The following TBL2 variants were observed in gnomAD, a reference collection of about 807,000 sequenced individuals.
The protein encoded by TBL2 is transducin beta like 2, also known as transducin beta-like protein 2.
Under a neutral mutation model 41.8 loss-of-function variants are expected in TBL2, and 33 were observed. That is an observed-to-expected ratio of 0.79 (90% confidence interval 0.60 to 1.06). The LOEUF (loss-of-function observed/expected upper bound fraction) is 1.06. Ranked by LOEUF, TBL2 falls within the 50% of genes least tolerant of loss-of-function variation. TBL2 has a pLI of 0.00. For missense variants in TBL2, 522 were observed against 603.8 expected (o/e 0.86, Z 1.42); for synonymous variants, 239 against 241.7 (o/e 0.99, Z 0.10).
intron 2 of TBL2, 33 bp from the exon 3 acceptor site, chr7:73,574,155 A>G (rs1554588382): frequency 6.2e-7 from 1 of 1,608,770 alleles, no homozygotes; most frequent in Admixed American, 1.7e-5. Context: ...TGTCAATAGG[A>G]GCTCCTGGGG....
chr7:73,571,520 G>C (rs1792952275), intron 5 of TBL2, 179 bp from the exon 6 acceptor site: 1 of 731,556 alleles, frequency 1.4e-6, no homozygotes, highest in African/African-American at 1.8e-5. Context: ...ACTTTGGGAG[G>C]CCGAGGTGGG....
chr7:73,575,202 T>G (rs1458732219), intron 1 of TBL2, among the ~76,000 whole-genome samples: 1 of 152,004 alleles, frequency 6.6e-6, no homozygotes, highest in Non-Finnish European at 1.5e-5. Flanking sequence ...CTCCGCTCAC[T>G]GTAGCCTCTG....
At position 73,570,966 on chromosome 7, in the gene TBL2, A is replaced by T; in HGVS notation, c.885T>A (p.Ala295=). Residue 295 remains alanine (A), a synonymous_variant, in exon 7 of 7, where the codon GCT becomes GCA. Coordinates refer to ENST00000305632, the MANE Select transcript of TBL2 (RefSeq NM_012453.4). ...TCCATGTACCATCCTTGGAGACAGA[A>T]GCCATCCTGCAACACAGAAAATCAC... ...FAFSNDSRRM[A]SVSKDGTWKL... is the part of the protein sequence containing the mutation. The T allele has an allele frequency of 6.3e-7, 1 of 1,598,560 alleles. No individual in the cohort carries two copies. The highest frequency in any genetic ancestry group is 8.5e-7 in the Non-Finnish European group (1 of 1,171,050).
intron 2 of TBL2, 79 bp from the exon 3 acceptor site, chr7:73,574,201 G>C (rs1793150099): frequency 6.4e-7 from 1 of 1,567,092 alleles, no homozygotes; most frequent in South Asian, 1.2e-5. Flanking sequence ...CGGGGAGATG[G>C]GGCCCTGTGG....
rs1321996917 is a variant in TBL2, at chr7:73,567,677, A to G, written c.*2830T>C. Reference sequence around the variant, plus strand: ...GAAAAACCTTGGTGGCCTCTGCTCTATGTTAATATCCAGACACCTTCTCTG... The same window carrying G: ...GAAAAACCTTGGTGGCCTCTGCTCTGTGTTAATATCCAGACACCTTCTCTG... On this transcript the variant is annotated 3_prime_UTR_variant, in exon 7 of 7. Transcript: ENST00000305632. 2.6e-5 allele frequency among the ~76,000 whole-genome samples: 4 copies of G among 152,092 alleles called. No homozygotes were observed. The highest frequency in any genetic ancestry group is 7.2e-5 in the African/African-American group (3 of 41,410).
In TBL2 at chr7:73,570,295, A is replaced by T; in HGVS notation, c.*212T>A. The T allele has an allele frequency of 1.3e-6, 1 of 792,502 alleles. No homozygotes were observed. The highest frequency in any genetic ancestry group is 1.8e-6 in the Non-Finnish European group (1 of 547,114). 49.1% of individuals were successfully genotyped at this position (792,502 alleles called of 1,614,324 possible). ...CACTGGGCCTGGGAGGAAGAAAAGC[A>T]CCTTGGCCACTAGTCAGGGAGGAGT... On this transcript the variant is annotated 3_prime_UTR_variant, in exon 7 of 7. Coordinates refer to ENST00000305632, the MANE Select transcript of TBL2 (RefSeq NM_012453.4).
At chr7:73,574,798 C>G in intron 1 of TBL2, 1 of 514,246 alleles carries the variant, frequency 1.9e-6, no homozygotes, top group Non-Finnish European at 3.6e-6. Flanking sequence ...AGTGACAGAG[C>G]AAGACCCTGT....
At chr7:73,578,393 G>T in intron 1 of TBL2, 27 bp downstream of exon 1, 1 of 1,522,094 alleles carries the variant, frequency 6.6e-7, no homozygotes. Flanking sequence ...ACCGCGGGCC[G>T]CCCCCACCCG....
rs1055376713 is a variant in TBL2 at position 73,576,685 on chromosome 7, A to T, written c.130+1735T>A. 3 of 456,502 alleles carry T rather than the reference A, an allele frequency of 6.6e-6. No individual in the cohort carries two copies. The Admixed American group carries it at 7.1e-5, about 11-fold the overall frequency. 28.3% of individuals were successfully genotyped at this position (456,502 alleles called of 1,614,324 possible). On this transcript the variant is annotated intron_variant, in intron 1 of 6. Transcript: ENST00000305632. Reference sequence around the variant, plus strand: ...GCAGATGCTCCCCAATTCCAACAGGAAAAAAGCTCCTGGGCCCTGCAAACA... The same window carrying T: ...GCAGATGCTCCCCAATTCCAACAGGTAAAAAGCTCCTGGGCCCTGCAAACA...
At chr7:73,574,864 T>G (rs1234888609) in intron 1 of TBL2, 3 of 381,650 alleles carry the variant, frequency 7.9e-6, no homozygotes, top group Non-Finnish European at 1.5e-5. Flanking sequence ...GAATCAGACC[T>G]GGGTTTGGAT....
At chr7:73,575,447 T>G (rs1554588755) in intron 1 of TBL2, among the ~76,000 whole-genome samples, 1 of 152,054 alleles carries the variant, frequency 6.6e-6, no homozygotes. Flanking sequence ...CCCGCCACCA[T>G]GCCCGGCTAA....
chr7:73,571,232 A>G lies in TBL2; in HGVS notation c.835T>C (p.Ser279Pro). The change falls in exon 6 of 7, where the codon TCC (serine) becomes CCC (proline). Residue 279 changes from serine (S) to proline (P), a missense_variant. Physicochemically the swap from Ser to Pro is moderately conservative, Grantham distance 74 (BLOSUM62 -1). Coordinates refer to ENST00000305632, the MANE Select transcript of TBL2 (RefSeq NM_012453.4). ...AAAGCAAACGAGTGCACAGCCGCGG[A>G]GTGGCCCTTTAGTTCGAAGGCTCGC... Reference protein sequence around the residue: ...VVRAFELKGHSAAVHSFAFSN... With the variant: ...VVRAFELKGHPAAVHSFAFSN... The G allele has an allele frequency of 6.2e-7, 1 of 1,614,236 alleles. No homozygotes were observed. Among genetic ancestry groups the G allele is most frequent in the Non-Finnish European group, 8.5e-7 (1 of 1,180,048 alleles).
intron 3 of TBL2, 58 bp from the exon 4 acceptor site, chr7:73,573,529 A>C: frequency 6.2e-7 from 1 of 1,607,094 alleles, no homozygotes; most frequent in Non-Finnish European, 8.5e-7. Flanking sequence ...TCTGTGTTCC[A>C]GGTCCTGTGC....
At chr7:73,573,811 C>T in intron 3 of TBL2, 127 bp downstream of exon 3, 3 of 1,210,822 alleles carry the variant, frequency 2.5e-6, no homozygotes, top group Non-Finnish European at 3.4e-6. Flanking sequence ...TATGTGGATG[C>T]TCTTTCTGGC....
chr7:73,568,941 C>T lies in TBL2; in HGVS notation c.*1566G>A, dbSNP rs1181843457. 1 of 152,234 alleles carries T rather than the reference C, an allele frequency of 6.6e-6. No homozygotes were observed. The highest frequency in any genetic ancestry group is 1.9e-4 in the East Asian group (1 of 5,190). 9.4% of individuals were successfully genotyped at this position (152,234 alleles called of 1,614,324 possible). ...TGTCAGAAAAAAAAAATTGTTTTTACTATTTTTGGTTTAGAAAAATTCTTT... is the reference window on the plus strand; with the variant it reads ...TGTCAGAAAAAAAAAATTGTTTTTATTATTTTTGGTTTAGAAAAATTCTTT... On this transcript the variant is annotated 3_prime_UTR_variant, in exon 7 of 7. Coordinates refer to ENST00000305632, the MANE Select transcript of TBL2 (RefSeq NM_012453.4).
At position 73,568,408 on chromosome 7, in the gene TBL2, G is replaced by A. The variant is rs1310386938; in HGVS notation, c.*2099C>T. Among the ~76,000 whole-genome samples, 1 of 152,194 alleles carries A rather than the reference G, an allele frequency of 6.6e-6. No individual in the cohort carries two copies. The highest frequency in any genetic ancestry group is 6.5e-5 in the Admixed American group (1 of 15,278). On this transcript the variant is annotated 3_prime_UTR_variant, in exon 7 of 7. Transcript: ENST00000305632. ...GTTGCTCACTTCTAGCTTCTGTGAAGCAATTTCTGCTGGATTCCTGAATAA... is the reference window on the plus strand; with the variant it reads ...GTTGCTCACTTCTAGCTTCTGTGAAACAATTTCTGCTGGATTCCTGAATAA...
At chr7:73,578,275 C>G in intron 1 of TBL2, 145 bp downstream of exon 1, 1 of 1,534,036 alleles carries the variant, frequency 6.5e-7, no homozygotes, top group Non-Finnish European at 8.7e-7. Flanking sequence ...TCTCTGGAAG[C>G]GAAGCTCACG....
At chr7:73,571,868 C>T in intron 5 of TBL2, 1 of 160,246 alleles carries the variant, frequency 6.2e-6, no homozygotes, top group Non-Finnish European at 1.4e-5. Context: ...TTGAGACCAG[C>T]CTGACCAACA....
chr7:73,574,142 A>C lies in TBL2; in HGVS notation c.262-20T>G. ...GTGGCTCTAGGGGAAGGGTGGCAGG[A>C]AGTGTCAATAGGAGCTCCTGGGGGA... On this transcript the variant is annotated intron_variant, in intron 2 of 6. Transcript: ENST00000305632. 8.7e-6 allele frequency: 14 copies of C among 1,612,612 alleles called. No individual in the cohort carries two copies. Among genetic ancestry groups the C allele is most frequent in the African/African-American group, 1.3e-5 (1 of 74,970 alleles).
Sources: gnomAD v4.1 joint callset for allele counts (sites outside exome capture counted in the v4.1 genomes callset) on GRCh38, gnomAD v4.1.1 for gene constraint, MANE v1.5 for transcripts, NCBI Gene and HGNC (gene_info 2026-07-23, HGNC 2026-07-21) for gene names.